Variants in CEP44 observed in about 807,000 individuals in gnomAD.
The protein encoded by CEP44 is centrosomal protein of 44 kDa.
In CEP44, 45 loss-of-function variants were observed where a neutral mutation model predicts 46.7. The observed-to-expected ratio is 0.96, with a 90% CI of 0.76 to 1.24. The LOEUF is 1.24. Ranked by LOEUF, CEP44 falls within the 50% of genes most tolerant of loss-of-function variation. CEP44 has a pLI of 0.00. For synonymous variants in CEP44, 142 were observed against 146.0 expected (o/e 0.97, Z 0.20); for missense variants, 475 against 459.7 (o/e 1.03, Z -0.30).
At chr4:174,315,783 G>C (rs866583367) in intron 9 of CEP44, among the ~76,000 whole-genome samples, 93 of 148,438 alleles carry the variant, frequency 6.3e-4, no homozygotes, top group Non-Finnish European at 1.3e-3. Flanking sequence ...GGAGCTTGCA[G>C]TGAGCCGAGA....
chr4:174,323,130 TCAAA>T (rs1414218253), downstream of CEP44, among the ~76,000 whole-genome samples: 1 of 151,880 alleles, frequency 6.6e-6, no homozygotes, highest in Non-Finnish European at 1.5e-5. Context: ...CAACAAATCA[TCAAA>T]CATTCTTGAA....
intron 2 of CEP44, among the ~76,000 whole-genome samples, 179 bp from the exon 3 acceptor site, chr4:174,298,893 T>C (rs1739386179): frequency 6.6e-6 from 1 of 152,152 alleles, no homozygotes; most frequent in Non-Finnish European, 1.5e-5. Flanking sequence ...AGACACCCTA[T>C]ATTCAGAAAC....
Position 174,302,116 on chromosome 4 carries a change from A to T in CEP44, c.167A>T (p.Glu56Val), listed in dbSNP as rs1277424878. Residue 56 changes from glutamate (E) to valine (V), a missense_variant, in exon 4 of 12, where the codon GAA becomes GTA. Transcript: ENST00000503780. ...ACCTCATACTCACCTTATGTAACAG[A>T]ACTTATAATGGAATCCAATGTAGAG... ...SFTSYSPYVT[E>V]LIMESNVELI... 6.2e-7 allele frequency: 1 copy of T among 1,612,322 alleles called. No individual in the cohort carries two copies.
Position 174,297,776 on chromosome 4 carries a change from A to G in CEP44, c.-147-190A>G, listed in dbSNP as rs1019931532. ...CCAAATTTAGTGCCTCCTTGATTCAATTTCTTTGGAGTGTAAAGCTCTTTT... is the reference window on the plus strand; with the variant it reads ...CCAAATTTAGTGCCTCCTTGATTCAGTTTCTTTGGAGTGTAAAGCTCTTTT... On this transcript the variant is annotated intron_variant, in intron 1 of 11. Transcript: ENST00000503780. The surrounding 1 kb of genome is among the most constrained non-coding windows in gnomAD (Gnocchi z 4.3). 2.0e-5 allele frequency among the ~76,000 whole-genome samples: 3 copies of G among 151,878 alleles called. No homozygotes were observed. Among genetic ancestry groups the G allele is most frequent in the African/African-American group, 2.4e-5 (1 of 41,354 alleles).
chr4:174,316,945 T>C (rs1260478059), intron 11 of CEP44, among the ~76,000 whole-genome samples: 1 of 151,878 alleles, frequency 6.6e-6, no homozygotes, highest in East Asian at 1.9e-4. Context: ...TGTGAAAATA[T>C]CACTGGTGTT....
chr4:174,287,522 T>C lies in CEP44; in HGVS notation c.-148+3579T>C, dbSNP rs1737703144. Among the ~76,000 whole-genome samples, 1 of 152,130 alleles carries C rather than the reference T, an allele frequency of 6.6e-6. No individual in the cohort carries two copies. The highest frequency in any genetic ancestry group is 2.4e-5 in the African/African-American group (1 of 41,426). ...GAACAGCTTGAGATATCACCAAACATCCTTATCCAGGTCCAGGAACTTTAT... is the reference window on the plus strand; with the variant it reads ...GAACAGCTTGAGATATCACCAAACACCCTTATCCAGGTCCAGGAACTTTAT... On this transcript the variant is annotated intron_variant, in intron 1 of 11. Transcript: ENST00000503780. The surrounding 1 kb of genome is among the most constrained non-coding windows in gnomAD (Gnocchi z 5.1).
Position 174,308,871 on chromosome 4 carries a change from G to A in CEP44, c.678+12G>A, listed in dbSNP as rs746264765. On this transcript the variant is annotated intron_variant, in intron 7 of 11. Coordinates refer to ENST00000503780, the MANE Select transcript of CEP44 (RefSeq NM_001040157.3). ...AGGCTGAGCAACAGGTAACAACTTT[G>A]GACTTTTTAAATAGATGCCAGTATT... The A allele has an allele frequency of 6.2e-7, 1 of 1,608,834 alleles. No individual in the cohort carries two copies. Among genetic ancestry groups the A allele is most frequent in the South Asian group, 1.1e-5 (1 of 90,050 alleles).
chr4:174,315,685 C>CA lies in CEP44; in HGVS notation c.962-475dup, dbSNP rs538920923. Among the ~76,000 whole-genome samples the CA allele has an allele frequency of 7.9e-5, 12 of 151,672 alleles. No individual in the cohort carries two copies. In the South Asian group the frequency reaches 8.3e-4, roughly 11 times the overall value. On this transcript the variant is annotated intron_variant, in intron 9 of 11. Coordinates refer to ENST00000503780, the MANE Select transcript of CEP44 (RefSeq NM_001040157.3). ...TGAAACCCTGTCTCTACTAAAAATA[C>CA]AAAAAATTAGCCGGGCGTGGTAGCT... is the stretch of plus-strand genomic sequence containing the variant.
chr4:174,298,881 G>A (rs1425178036), intron 2 of CEP44, among the ~76,000 whole-genome samples, 191 bp from the exon 3 acceptor site: 1 of 152,056 alleles, frequency 6.6e-6, no homozygotes, highest in East Asian at 1.9e-4. Flanking sequence ...GGAGGGTAGG[G>A]GAGACACCCT....
rs982894194 is a variant in CEP44, at chr4:174,331,086, A to G, written c.1087-396A>G. Among the ~76,000 whole-genome samples the G allele has an allele frequency of 3.3e-5, 5 of 152,102 alleles. No individual in the cohort carries two copies. The highest frequency in any genetic ancestry group is 9.7e-5 in the African/African-American group (4 of 41,426). On this transcript the variant is annotated intron_variant, in intron 8 of 8. Transcript: ENST00000426172. This position sits in a 1 kb window ranked among gnomAD's most constrained non-coding sequence, Gnocchi z 4.5. Reference sequence around the variant, plus strand: ...ACACCCATAAAAGGTATACTTTTCTATAGGAATTGTTGTTTAAGTGTATGC... The same window carrying G: ...ACACCCATAAAAGGTATACTTTTCTGTAGGAATTGTTGTTTAAGTGTATGC...
chr4:174,310,096 T>A lies in CEP44; in HGVS notation c.885+40T>A, dbSNP rs1454281510. ...TAACATTTATAAAATATCTCAGATA[T>A]AACAAAGTTTTTTTTTGATTGTTAT... On this transcript the variant is annotated intron_variant, in intron 8 of 11. Coordinates refer to ENST00000503780, the MANE Select transcript of CEP44 (RefSeq NM_001040157.3). The surrounding 1 kb of genome is among the most constrained non-coding windows in gnomAD (Gnocchi z 4.2). The A allele has an allele frequency of 6.4e-7, 1 of 1,556,522 alleles. No individual in the cohort carries two copies. Among genetic ancestry groups the A allele is most frequent in the Non-Finnish European group, 8.7e-7 (1 of 1,152,966 alleles).
intron 6 of CEP44, among the ~76,000 whole-genome samples, chr4:174,307,419 T>C (rs1740544347): frequency 1.3e-5 from 2 of 152,132 alleles, no homozygotes; most frequent in African/African-American, 2.4e-5. Context: ...ATGCAGAAGA[T>C]TGAAACTAGA....
intron 1 of CEP44, among the ~76,000 whole-genome samples, chr4:174,293,286 G>A (rs1738450674): frequency 6.6e-6 from 1 of 152,166 alleles, no homozygotes; most frequent in African/African-American, 2.4e-5. Flanking sequence ...TCACATGCCT[G>A]CTACTGGGGC....
At position 174,331,880 on chromosome 4, in the gene CEP44, G is replaced by T; in HGVS notation, c.*285G>T. On this transcript the variant is annotated 3_prime_UTR_variant, in exon 9 of 9. Coordinates refer to the CEP44 transcript ENST00000426172. This position sits in a 1 kb window ranked among gnomAD's most constrained non-coding sequence, Gnocchi z 4.5. ...ATAGCTTTCATATTTCTTTATTATTGTAAATGGGGGCTGTGGAAGGTGAGA... is the reference window on the plus strand; with the variant it reads ...ATAGCTTTCATATTTCTTTATTATTTTAAATGGGGGCTGTGGAAGGTGAGA... 3.3e-6 allele frequency: 1 copy of T among 298,992 alleles called. No homozygotes were observed. The highest frequency in any genetic ancestry group is 6.1e-6 in the Non-Finnish European group (1 of 163,308). The allele number at this position is 298,992 out of a possible 1,614,324, so 18.5% of individuals were successfully genotyped here.
rs976326966 is a variant in CEP44, at chr4:174,312,591, A to G, written c.961+1733A>G. Reference sequence around the variant, plus strand: ...AGTACTGGGATTACAGGTGTGAGTTAACATGTCCGGGTTCACATAGCTAAA... The same window carrying G: ...AGTACTGGGATTACAGGTGTGAGTTGACATGTCCGGGTTCACATAGCTAAA... On this transcript the variant is annotated intron_variant, in intron 9 of 11. Transcript: ENST00000503780. This position sits in a 1 kb window ranked among gnomAD's most constrained non-coding sequence, Gnocchi z 4.5. 2.0e-5 allele frequency among the ~76,000 whole-genome samples: 3 copies of G among 152,182 alleles called. No individual in the cohort carries two copies. Among genetic ancestry groups the G allele is most frequent in the African/African-American group, 7.2e-5 (3 of 41,438 alleles).
chr4:174,328,166 G>T (rs1361287771), intron 8 of CEP44, among the ~76,000 whole-genome samples: 1 of 152,316 alleles, frequency 6.6e-6, no homozygotes, highest in East Asian at 1.9e-4. Flanking sequence ...TGATGACCAA[G>T]GGGGAACTGT....
In CEP44 at chr4:174,299,079, A is replaced by T; in HGVS notation, c.-43A>T. 7 of 1,538,150 alleles carry T rather than the reference A, an allele frequency of 4.6e-6. No homozygotes were observed. Among genetic ancestry groups the T allele is most frequent in the Non-Finnish European group, 6.3e-6 (7 of 1,118,266 alleles). ...ATGGATTTCTATTTTCAGGTGAAAA[A>T]TTAGACGATTTCAAGAATTGGAGCT... On this transcript the variant is annotated 5_prime_UTR_variant, in exon 3 of 12. Transcript: ENST00000503780.
rs1014489436 is a variant in CEP44, at chr4:174,311,999, T to G, written c.961+1141T>G. Reference sequence around the variant, plus strand: ...TCCATTCATATATCTATTCAACAAATGTTAATGCTTGAGTATAAGATCCTT... The same window carrying G: ...TCCATTCATATATCTATTCAACAAAGGTTAATGCTTGAGTATAAGATCCTT... On this transcript the variant is annotated intron_variant, in intron 9 of 11. Transcript: ENST00000503780. This position sits in a 1 kb window ranked among gnomAD's most constrained non-coding sequence, Gnocchi z 4.4. 2.0e-5 allele frequency among the ~76,000 whole-genome samples: 3 copies of G among 152,234 alleles called. No homozygotes were observed. Among genetic ancestry groups the G allele is most frequent in the Non-Finnish European group, 4.4e-5 (3 of 68,030 alleles).
At chr4:174,298,732 G>A (rs953391421) in intron 2 of CEP44, among the ~76,000 whole-genome samples, 2 of 152,016 alleles carry the variant, frequency 1.3e-5, no homozygotes, top group Non-Finnish European at 2.9e-5. Flanking sequence ...AGTCACTGAT[G>A]GATGTTATTC....
Sources: gnomAD v4.1 joint callset for allele counts (sites outside exome capture counted in the v4.1 genomes callset) on GRCh38, gnomAD v4.1.1 for gene constraint, Gnocchi (gnomAD v3.1) non-coding constraint, MANE v1.5 for transcripts, NCBI Gene and HGNC (gene_info 2026-07-23, HGNC 2026-07-21) for gene names.